Variants in PTGFR observed in about 807,000 individuals in gnomAD.
PTGFR encodes prostaglandin F2-alpha receptor.
PTGFR carries 15 observed loss-of-function variants against 26.2 expected under a neutral mutation model. The observed-to-expected ratio is 0.57, with a 90% CI of 0.38 to 0.88. The LOEUF is 0.88. PTGFR is among the 40% of genes least tolerant of loss of function. The pLI, the probability that PTGFR is intolerant of heterozygous loss-of-function variation, is 0.00. For missense variants in PTGFR, 369 were observed against 427.2 expected (o/e 0.86, Z 1.20); for synonymous variants, 165 against 151.1 (o/e 1.09, Z -0.68).
intron 2 of PTGFR, among the ~76,000 whole-genome samples, chr1:78,535,287 G>A (rs1650618809): frequency 6.6e-6 from 1 of 152,116 alleles, no homozygotes; most frequent in South Asian, 2.1e-4. Flanking sequence ...ATTTGCAGGG[G>A]AGATGAGAGA....
At chr1:78,511,858 A>G (rs1258097901) in intron 2 of PTGFR, among the ~76,000 whole-genome samples, 2 of 152,188 alleles carry the variant, frequency 1.3e-5, no homozygotes, top group Non-Finnish European at 2.9e-5. Context: ...ATAGGCTGTT[A>G]GAAGCAGCCA....
At chr1:78,498,690 C>G (rs546415345) in intron 2 of PTGFR, among the ~76,000 whole-genome samples, 1 of 152,214 alleles carries the variant, frequency 6.6e-6, no homozygotes, top group African/African-American at 2.4e-5. Context: ...TATCCCCTGA[C>G]TCTAAAAACA....
At position 78,537,365 on chromosome 1, in the gene PTGFR, A is replaced by G. The variant is rs968747338; in HGVS notation, c.*678A>G. On this transcript the variant is annotated 3_prime_UTR_variant, in exon 3 of 3. Transcript: ENST00000370757. ...TTGGAAGTGTTTTTTCATGTCATAG[A>G]TTAGCAATTTTCAAATAATTATTTT... is the stretch of plus-strand genomic sequence containing the variant. The G allele has an allele frequency of 6.6e-6, 1 of 152,110 alleles. No homozygotes were observed. The highest frequency in any genetic ancestry group is 6.6e-5 in the Admixed American group (1 of 15,246). The allele number at this position is 152,110 out of a possible 1,614,324, so 9.4% of individuals were successfully genotyped here.
intron 2 of PTGFR, among the ~76,000 whole-genome samples, 180 bp from the exon 3 acceptor site, chr1:78,536,226 A>C (rs1345746588): frequency 1.3e-5 from 2 of 152,118 alleles, no homozygotes; most frequent in Non-Finnish European, 2.9e-5. Context: ...TTTGAATTAA[A>C]ATGATTCATT....
At chr1:78,509,585 T>C (rs1231773168) in intron 2 of PTGFR, among the ~76,000 whole-genome samples, 1 of 152,192 alleles carries the variant, frequency 6.6e-6, no homozygotes, top group Non-Finnish European at 1.5e-5. Flanking sequence ...AAAGATAGTT[T>C]CCGATACATC....
At chr1:78,516,944 A>G (rs966296819) in intron 2 of PTGFR, among the ~76,000 whole-genome samples, 2 of 152,150 alleles carry the variant, frequency 1.3e-5, no homozygotes, top group Non-Finnish European at 2.9e-5. Flanking sequence ...TGTCTTGAAA[A>G]TGTGTTCACC....
In PTGFR at chr1:78,491,245, C is replaced by G. The variant is rs1269879540; in HGVS notation, c.-73+9C>G. ...CGGCCTGGGATGACAAGGTACCATC[C>G]CTCCAGAGGCTGATCCCAATGCATC... is the stretch of plus-strand genomic sequence containing the variant. On this transcript the variant is annotated intron_variant, in intron 1 of 2. Transcript: ENST00000370757. The G allele has an allele frequency of 1.3e-5, 2 of 152,288 alleles. No individual in the cohort carries two copies. The highest frequency in any genetic ancestry group is 2.9e-5 in the Non-Finnish European group (2 of 68,092). 9.4% of individuals were successfully genotyped at this position (152,288 alleles called of 1,614,324 possible). A position where few individuals can be genotyped will look rare whatever the true frequency, so the allele number is the denominator to read the frequency against.
intron 2 of PTGFR, among the ~76,000 whole-genome samples, chr1:78,499,630 G>A (rs990729257): frequency 6.6e-6 from 1 of 152,216 alleles, no homozygotes; most frequent in Admixed American, 6.5e-5. Context: ...AGAGGTCTGA[G>A]AGGGAGAAAT....
intron 1 of PTGFR, among the ~76,000 whole-genome samples, chr1:78,492,417 CAGG>C (rs963186122): frequency 9.9e-5 from 15 of 152,050 alleles, no homozygotes; most frequent in Non-Finnish European, 2.1e-4. Context: ...GGGGGACATT[CAGG>C]AGGAGGAGGA....
Position 78,536,957 on chromosome 1 carries a change from T to C in PTGFR, c.*270T>C, listed in dbSNP as rs1650673342. On this transcript the variant is annotated 3_prime_UTR_variant, in exon 3 of 3. Transcript: ENST00000370757. ...AGCAATTTTGAGCTTATCTGTCTTATTTATGCTTTGAGTGAATCATCTGTT... is the reference window on the plus strand; with the variant it reads ...AGCAATTTTGAGCTTATCTGTCTTACTTATGCTTTGAGTGAATCATCTGTT... 2 of 408,708 alleles carry C rather than the reference T, an allele frequency of 4.9e-6. No homozygotes were observed. The highest frequency in any genetic ancestry group is 4.6e-5 in the East Asian group (1 of 21,698). 25.3% of individuals were successfully genotyped at this position (408,708 alleles called of 1,614,324 possible).
intron 1 of PTGFR, among the ~76,000 whole-genome samples, chr1:78,492,256 C>T (rs148927368): frequency 0.012 from 1,793 of 152,328 alleles, 22 homozygotes; most frequent in Non-Finnish European, 0.017. Context: ...AGTTTGGGGG[C>T]AAAGCCCACC....
At chr1:78,529,995 A>T (rs1298729470) in intron 2 of PTGFR, among the ~76,000 whole-genome samples, 3 of 152,034 alleles carry the variant, frequency 2.0e-5, no homozygotes, top group Admixed American at 6.6e-5. Flanking sequence ...TGCCAAGGAA[A>T]AATTGTCTTC....
At chr1:78,511,086 T>A (rs908207129) in intron 2 of PTGFR, among the ~76,000 whole-genome samples, 6 of 152,180 alleles carry the variant, frequency 3.9e-5, no homozygotes, top group Admixed American at 2.6e-4. Context: ...TGGAGTTGAG[T>A]GCCTGTGGCT....
chr1:78,510,873 A>T (rs1344254897), intron 2 of PTGFR, among the ~76,000 whole-genome samples: 1 of 152,340 alleles, frequency 6.6e-6, no homozygotes, highest in East Asian at 1.9e-4. Flanking sequence ...CAAAGGGGGA[A>T]ATAGGCTAAA....
intron 2 of PTGFR, among the ~76,000 whole-genome samples, chr1:78,500,867 A>T (rs1202764903): frequency 1.3e-5 from 2 of 152,214 alleles, no homozygotes; most frequent in African/African-American, 4.8e-5. Context: ...TATGGTGTAA[A>T]ATTGGCAAAT....
At chr1:78,511,094 G>T (rs1367068481) in intron 2 of PTGFR, among the ~76,000 whole-genome samples, 2 of 152,212 alleles carry the variant, frequency 1.3e-5, no homozygotes, top group African/African-American at 4.8e-5. Context: ...AGTGCCTGTG[G>T]CTTTTTCAGG....
At chr1:78,530,114 GAA>G (rs1650468269) in intron 2 of PTGFR, among the ~76,000 whole-genome samples, 1 of 89,234 alleles carries the variant, frequency 1.1e-5, no homozygotes, top group Admixed American at 9.7e-5. Context: ...GGACAGATAA[GAA>G]GAAGGAAGAT....
chr1:78,532,364 T>TTATATATATATATATATATATA (rs200848855), intron 2 of PTGFR: 11 of 85,216 alleles, frequency 1.3e-4, no homozygotes, highest in East Asian at 3.4e-4. Context: ...GTAAATTCAT[T>TTATATATATATATATATATATA]TATATATATA....
chr1:78,538,017 G>A lies in PTGFR; in HGVS notation c.*1330G>A, dbSNP rs1650700298. 6.6e-6 allele frequency: 1 copy of A among 152,034 alleles called. No homozygotes were observed. Among genetic ancestry groups the A allele is most frequent in the Non-Finnish European group, 1.5e-5 (1 of 67,986 alleles). The allele number at this position is 152,034 out of a possible 1,614,324, so 9.4% of individuals were successfully genotyped here. A position where few individuals can be genotyped will look rare whatever the true frequency, so the allele number is the denominator to read the frequency against. On this transcript the variant is annotated 3_prime_UTR_variant, in exon 3 of 3. Coordinates refer to ENST00000370757, the MANE Select transcript of PTGFR (RefSeq NM_000959.4). ...AGAGTTCTTTGCTTTCATTAACTTG[G>A]ATTCATTTAAAAATTAATCTTCCCT... is the stretch of plus-strand genomic sequence containing the variant.
Sources: gnomAD v4.1 joint callset for allele counts (sites outside exome capture counted in the v4.1 genomes callset) on GRCh38, gnomAD v4.1.1 for gene constraint, MANE v1.5 for transcripts, NCBI Gene and HGNC (gene_info 2026-07-23, HGNC 2026-07-21) for gene names.